Variants in ELOVL6 observed in about 807,000 individuals in gnomAD.
The protein encoded by ELOVL6 is very long chain fatty acid elongase 6.
A neutral mutation model predicts 31.7 loss-of-function variants in ELOVL6; 8 were observed. That is an observed-to-expected ratio of 0.25 (90% CI 0.15 to 0.45). ELOVL6 has a LOEUF of 0.45. Ranked by LOEUF, ELOVL6 falls within the 20% of genes least tolerant of loss-of-function variation. The pLI, the probability that ELOVL6 is intolerant of heterozygous loss-of-function variation, is 1.00. For missense variants in ELOVL6, 126 were observed against 326.4 expected, an observed-to-expected ratio of 0.39 and a Z score of 4.73; for synonymous variants, 101 against 117.7, an observed-to-expected ratio of 0.86 and a Z score of 0.92.
intron 1 of ELOVL6, 28 bp from the exon 2 acceptor site, chr4:110,105,656 G>C: frequency 1.3e-6 from 2 of 1,599,800 alleles, no homozygotes; most frequent in Non-Finnish European, 1.7e-6. Context: ...AAATCTTTAA[G>C]ATATTTTTAG....
chr4:110,084,551 C>G (rs1408137689), intron 2 of ELOVL6, among the ~76,000 whole-genome samples: 1,746 of 64,426 alleles, frequency 0.027, 115 homozygotes, highest in African/African-American at 0.12. Flanking sequence ...CACACACACA[C>G]ACACACACAC....
intron 1 of ELOVL6, among the ~76,000 whole-genome samples, chr4:110,122,496 C>G (rs1757382405): frequency 6.6e-6 from 1 of 152,150 alleles, no homozygotes; most frequent in Non-Finnish European, 1.5e-5. Flanking sequence ...CTCAAGCCTT[C>G]CTCCCAAGTA....
chr4:110,112,698 C>A (rs1184332632), intron 1 of ELOVL6, among the ~76,000 whole-genome samples: 1 of 151,446 alleles, frequency 6.6e-6, no homozygotes, highest in African/African-American at 2.4e-5. Flanking sequence ...CATGGTGAAA[C>A]CCCCTCTCTA....
intron 1 of ELOVL6, among the ~76,000 whole-genome samples, chr4:110,185,139 G>A (rs1463857799): frequency 1.3e-5 from 2 of 152,152 alleles, no homozygotes; most frequent in East Asian, 3.8e-4. Flanking sequence ...ATTACAAAGA[G>A]CTGGCAAAGA....
intron 1 of ELOVL6, chr4:110,147,142 C>A: frequency 6.0e-6 from 1 of 165,770 alleles, no homozygotes; most frequent in South Asian, 1.7e-4. Context: ...TGAGAAGATC[C>A]TTACTGAAAA....
chr4:110,093,151 T>C (rs1281364549), intron 2 of ELOVL6: 2 of 444,002 alleles, frequency 4.5e-6, no homozygotes, highest in African/African-American at 4.0e-5. Context: ...TGCAAAGATA[T>C]TACAGAAGTC....
intron 1 of ELOVL6, among the ~76,000 whole-genome samples, chr4:110,157,449 T>C (rs1272306103): frequency 6.6e-6 from 1 of 152,066 alleles, no homozygotes; most frequent in Non-Finnish European, 1.5e-5. Context: ...GGCAGGTGGA[T>C]CAAGTGAGGT....
rs562711758 is a variant in ELOVL6, at chr4:110,181,173, G to A, written c.89+17074C>T. The stretch of plus-strand genomic sequence containing the variant: ...AAATTAAATTAAATTAAGGCCGGGC[G>A]CAGTGGCTCACGCCTGTAATCCCAA... On this transcript the variant is annotated intron_variant, in intron 1 of 3. Transcript: ENST00000302274. 8.5e-4 allele frequency among the ~76,000 whole-genome samples: 129 copies of A among 152,178 alleles called. 1 individual carries two copies. The highest frequency in any genetic ancestry group is 2.5e-3 in the Admixed American group (38 of 15,278).
At position 110,148,169 on chromosome 4, in the gene ELOVL6, G is replaced by C. The variant is rs1373654403; in HGVS notation, c.90-42541C>G. Among the ~76,000 whole-genome samples the C allele has an allele frequency of 3.3e-5, 5 of 150,162 alleles. No individual in the cohort carries two copies. The East Asian group carries it at 7.8e-4, about 23-fold the overall frequency. On this transcript the variant is annotated intron_variant, in intron 1 of 3. Transcript: ENST00000302274. The stretch of plus-strand genomic sequence containing the variant: ...CCATTAACAAGTGGGTTTAGGGTAG[G>C]AACAGACATTTTTCAAAAGACAAAC...
At chr4:110,074,156 A>T (rs1269117467) in intron 2 of ELOVL6, among the ~76,000 whole-genome samples, 1 of 152,188 alleles carries the variant, frequency 6.6e-6, no homozygotes, top group East Asian at 1.9e-4. Context: ...AGGATACCAA[A>T]ATCTGAGGAT....
chr4:110,083,148 A>C (rs1158291127), intron 2 of ELOVL6, among the ~76,000 whole-genome samples: 1 of 151,822 alleles, frequency 6.6e-6, no homozygotes, highest in Admixed American at 6.5e-5. Flanking sequence ...GAAAAAGACA[A>C]ATCAATTTTC....
intron 1 of ELOVL6, among the ~76,000 whole-genome samples, chr4:110,154,857 A>C (rs78050729): frequency 0.12 from 17,777 of 152,248 alleles, 1,114 homozygotes; most frequent in Non-Finnish European, 0.12. Context: ...AACTTGGAGA[A>C]GAAATGCTAG....
At chr4:110,061,275 C>T (rs1320543050) in intron 2 of ELOVL6, among the ~76,000 whole-genome samples, 1 of 152,148 alleles carries the variant, frequency 6.6e-6, no homozygotes, top group Non-Finnish European at 1.5e-5. Context: ...TCTTCTTGTT[C>T]ACTGTGAGCC....
chr4:110,154,434 T>C (rs1758360282), intron 1 of ELOVL6, among the ~76,000 whole-genome samples: 1 of 152,088 alleles, frequency 6.6e-6, no homozygotes, highest in Non-Finnish European at 1.5e-5. Context: ...TTTGTATTTT[T>C]AGTAGAGGCA....
chr4:110,105,560 T>C lies in ELOVL6; in HGVS notation c.158A>G (p.Lys53Arg). 1 of 1,613,854 alleles carries C rather than the reference T, an allele frequency of 6.2e-7. No homozygotes were observed. Among genetic ancestry groups the C allele is most frequent in the Non-Finnish European group, 8.5e-7 (1 of 1,179,794 alleles). ...CTTCCTCAGTTCAAACTTTGCTCGT[T>C]TATTCATTAGGTGCCGACCACCGAA... is the stretch of plus-strand genomic sequence containing the variant. ...FIFGGRHLMNKRAKFELRKPL... is the reference protein window; with the variant it reads ...FIFGGRHLMNRRAKFELRKPL... The change falls in exon 2 of 4, where the codon AAA (lysine) becomes AGA (arginine). Residue 53 changes from lysine (K) to arginine (R), a missense_variant. By Grantham distance (26) the Lys-to-Arg change is conservative. Transcript: ENST00000302274.
intron 1 of ELOVL6, among the ~76,000 whole-genome samples, chr4:110,161,823 G>A (rs935381435): frequency 6.6e-6 from 1 of 152,154 alleles, no homozygotes; most frequent in Non-Finnish European, 1.5e-5. Context: ...GTTATGTGTT[G>A]ATCAGAAATA....
chr4:110,069,639 G>A (rs1755411025), intron 2 of ELOVL6, among the ~76,000 whole-genome samples: 1 of 152,178 alleles, frequency 6.6e-6, no homozygotes, highest in Admixed American at 6.5e-5. Context: ...CAGAGGACTG[G>A]CCCAAGGTCT....
At chr4:110,053,782 T>G (rs1353049246) in intron 3 of ELOVL6, among the ~76,000 whole-genome samples, 1 of 152,010 alleles carries the variant, frequency 6.6e-6, no homozygotes, top group African/African-American at 2.4e-5. Context: ...TACTATAAAA[T>G]TAAAAAAATA....
At chr4:110,116,773 T>C (rs1757179615) in intron 1 of ELOVL6, among the ~76,000 whole-genome samples, 1 of 152,194 alleles carries the variant, frequency 6.6e-6, no homozygotes, top group African/African-American at 2.4e-5. Flanking sequence ...TCCTCTCTTT[T>C]TGGGCTTATG....
Sources: gnomAD v4.1 joint callset for allele counts (sites outside exome capture counted in the v4.1 genomes callset) on GRCh38, gnomAD v4.1.1 for gene constraint, MANE v1.5 for transcripts, NCBI Gene and HGNC (gene_info 2026-07-23, HGNC 2026-07-21) for gene names.